The following LPP variants were observed in gnomAD, a reference collection of about 807,000 sequenced individuals.
LPP encodes the protein LIM domain containing preferred translocation partner in lipoma.
Under a neutral mutation model 60.4 loss-of-function variants are expected in LPP, and 38 were observed. The ratio of observed to expected loss-of-function variants is 0.63; its 90% confidence interval spans 0.49 to 0.83. The LOEUF is 0.83. LPP is among the 40% of genes least tolerant of loss of function. LPP has a pLI of 0.00. For synonymous variants in LPP, 328 were observed against 290.8 expected (o/e 1.13, Z -1.30); for missense variants, 902 against 783.6 (o/e 1.15, Z -1.80).
intron 5 of LPP, among the ~76,000 whole-genome samples, chr3:188,521,859 A>C (rs2150148328): frequency 6.6e-6 from 1 of 152,286 alleles, no homozygotes; most frequent in South Asian, 2.1e-4. Context: ...GAGTATGTGG[A>C]AATACACTTA....
intron 4 of LPP, among the ~76,000 whole-genome samples, chr3:188,443,701 T>G (rs1181181711): frequency 6.6e-6 from 1 of 152,194 alleles, no homozygotes; most frequent in Non-Finnish European, 1.5e-5. Context: ...GTATCAATCC[T>G]CCCCATTCCT....
intron 3 of LPP, among the ~76,000 whole-genome samples, chr3:188,405,680 T>C (rs1348405858): frequency 2.6e-5 from 4 of 152,148 alleles, no homozygotes; most frequent in Non-Finnish European, 5.9e-5. Flanking sequence ...AACCATTTAA[T>C]TGGTGAGATA....
chr3:188,616,056 A>G (rs1270556540), intron 7 of LPP, among the ~76,000 whole-genome samples: 1 of 152,042 alleles, frequency 6.6e-6, no homozygotes, highest in Non-Finnish European at 1.5e-5. Flanking sequence ...CTCTGATGAT[A>G]GTTTCTTTTG....
intron 1 of LPP, among the ~76,000 whole-genome samples, chr3:188,214,715 G>A (rs899535836): frequency 6.6e-6 from 1 of 152,186 alleles, no homozygotes; most frequent in Non-Finnish European, 1.5e-5. Context: ...TGTAAGCCCT[G>A]TTCATGAGAC....
At chr3:188,387,989 A>G (rs1310270311) in intron 3 of LPP, among the ~76,000 whole-genome samples, 3 of 151,394 alleles carry the variant, frequency 2.0e-5, no homozygotes, top group Admixed American at 6.6e-5. Flanking sequence ...TCATGCTAGT[A>G]TTAAATATGT....
intron 1 of LPP, among the ~76,000 whole-genome samples, chr3:188,224,146 C>T (rs73887394): frequency 0.026 from 3,991 of 152,218 alleles, 181 homozygotes; most frequent in African/African-American, 0.091. Flanking sequence ...TTTGTCAAAG[C>T]AAGCAGTCAC....
chr3:188,398,277 G>A (rs1201002177), intron 3 of LPP, among the ~76,000 whole-genome samples: 1 of 152,216 alleles, frequency 6.6e-6, no homozygotes, highest in African/African-American at 2.4e-5. Flanking sequence ...AATCTTTAGT[G>A]TACAGATAGG....
intron 9 of LPP, among the ~76,000 whole-genome samples, chr3:188,800,314 C>T (rs1159984882): frequency 7.0e-6 from 1 of 143,558 alleles, no homozygotes; most frequent in Non-Finnish European, 1.5e-5. Flanking sequence ...GGCGCGATCT[C>T]AGCTCACTGC....
At chr3:188,656,391 T>A (rs760896794) in intron 7 of LPP, among the ~76,000 whole-genome samples, 1 of 152,174 alleles carries the variant, frequency 6.6e-6, no homozygotes, top group East Asian at 1.9e-4. Context: ...TTTCTTAAAG[T>A]TGATCTTCAA....
intron 2 of LPP, among the ~76,000 whole-genome samples, chr3:188,273,141 G>A (rs1266069881): frequency 6.6e-6 from 1 of 152,142 alleles, no homozygotes. Context: ...CACAATAACT[G>A]CCCCCACCAC....
intron 7 of LPP, among the ~76,000 whole-genome samples, chr3:188,703,340 A>G: frequency 6.6e-6 from 1 of 152,234 alleles, no homozygotes; most frequent in Admixed American, 6.5e-5. Context: ...CTTAGGAGGT[A>G]TTGAGCCCTA....
chr3:188,404,191 A>G (rs1237569390), intron 3 of LPP, among the ~76,000 whole-genome samples: 1 of 152,140 alleles, frequency 6.6e-6, no homozygotes, highest in Admixed American at 6.5e-5. Context: ...GTACTTTAAT[A>G]TCATCTCATT....
At chr3:188,406,078 C>T (rs1449895764) in intron 3 of LPP, 34 bp from the exon 4 acceptor site, 1 of 1,557,738 alleles carries the variant, frequency 6.4e-7, no homozygotes, top group Non-Finnish European at 8.8e-7. Flanking sequence ...CGTTTTCATG[C>T]TTCCATAAAA....
At position 188,495,567 on chromosome 3, in the gene LPP, G is replaced by A. The variant is rs556930503; in HGVS notation, c.306+10863G>A. ...AAATCCTCAAAAAGCAGCCATTGTCGTCAATAATATATGTTGATGTTTAGT... is the reference window on the plus strand; with the variant it reads ...AAATCCTCAAAAAGCAGCCATTGTCATCAATAATATATGTTGATGTTTAGT... On this transcript the variant is annotated intron_variant, in intron 5 of 11. Coordinates refer to ENST00000617246, the MANE Select transcript of LPP (RefSeq NM_001375462.1). Among the ~76,000 whole-genome samples the A allele has an allele frequency of 4.9e-4, 74 of 152,182 alleles. 1 individual carries two copies. In the South Asian group the frequency reaches 8.9e-3, roughly 18 times the overall value.
At chr3:188,630,042 T>C (rs1396994289) in intron 7 of LPP, among the ~76,000 whole-genome samples, 1 of 152,142 alleles carries the variant, frequency 6.6e-6, no homozygotes, top group African/African-American at 2.4e-5. Flanking sequence ...AATTATATTC[T>C]AGAAATACTA....
At chr3:188,241,129 A>G (rs1724556201) in intron 2 of LPP, among the ~76,000 whole-genome samples, 1 of 152,182 alleles carries the variant, frequency 6.6e-6, no homozygotes, top group Admixed American at 6.5e-5. Context: ...AGTGGCTGCA[A>G]GAATGATAAG....
intron 3 of LPP, among the ~76,000 whole-genome samples, chr3:188,347,335 T>C (rs1010187171): frequency 2.6e-5 from 4 of 152,236 alleles, no homozygotes; most frequent in Non-Finnish European, 4.4e-5. Context: ...CATATCATAA[T>C]TCGTTAACTA....
At chr3:188,357,126 C>G (rs1767844507) in intron 3 of LPP, among the ~76,000 whole-genome samples, 2 of 152,142 alleles carry the variant, frequency 1.3e-5, no homozygotes, top group South Asian at 4.1e-4. Context: ...TTGTGATTTA[C>G]AAACCAAGGT....
chr3:188,364,405 A>G (rs769408815), intron 3 of LPP, among the ~76,000 whole-genome samples: 6 of 152,282 alleles, frequency 3.9e-5, no homozygotes, highest in Middle Eastern at 6.8e-3. Flanking sequence ...TTTTATTTTC[A>G]TATTTGTTGA....
Sources: gnomAD v4.1 joint callset for allele counts (sites outside exome capture counted in the v4.1 genomes callset) on GRCh38, gnomAD v4.1.1 for gene constraint, MANE v1.5 for transcripts, NCBI Gene and HGNC (gene_info 2026-07-23, HGNC 2026-07-21) for gene names.